Variants in PALLD observed in about 807,000 individuals in gnomAD.
PALLD encodes palladin.
PALLD carries 61 observed loss-of-function variants against 123.5 expected under a neutral mutation model. The observed-to-expected ratio is 0.49, with a 90% CI of 0.40 to 0.61. The LOEUF is 0.61. Ranked by LOEUF, PALLD falls within the 20% of genes least tolerant of loss-of-function variation. The pLI is 0.00. For synonymous variants in PALLD, 465 were observed against 496.4 expected, an observed-to-expected ratio of 0.94 and a Z score of 0.84; for missense variants, 1,273 against 1,377.0, an observed-to-expected ratio of 0.92 and a Z score of 1.20.
intron 10 of PALLD, among the ~76,000 whole-genome samples, chr4:168,795,624 G>C (rs1198023200): frequency 1.3e-5 from 2 of 152,076 alleles, no homozygotes; most frequent in Non-Finnish European, 2.9e-5. Context: ...AATGAATATA[G>C]AATGTTCTAT....
chr4:168,854,375 C>A (rs910763134), intron 10 of PALLD, among the ~76,000 whole-genome samples: 1 of 152,200 alleles, frequency 6.6e-6, no homozygotes, highest in Non-Finnish European at 1.5e-5. Context: ...AATTCTAGCT[C>A]TTGCATAAAT....
rs866008940 is a variant in PALLD at position 168,688,249 on chromosome 4, G to A, written c.1336-2354G>A. ...GCATGATGATGACAGTGAATGGCAGGTGGGCTGGCTTTCATAGTCCAAGGG... is the reference window on the plus strand; with the variant it reads ...GCATGATGATGACAGTGAATGGCAGATGGGCTGGCTTTCATAGTCCAAGGG... On this transcript the variant is annotated intron_variant, in intron 6 of 21. Transcript: ENST00000505667. 3.9e-5 allele frequency among the ~76,000 whole-genome samples: 6 copies of A among 152,316 alleles called. 1 individual carries two copies. In the South Asian group the frequency reaches 1.2e-3, roughly 32 times the overall value.
chr4:168,575,754 C>G (rs572574484), intron 2 of PALLD, among the ~76,000 whole-genome samples: 1 of 152,252 alleles, frequency 6.6e-6, no homozygotes, highest in Admixed American at 6.5e-5. Flanking sequence ...TTTAGTACAT[C>G]TGAGCTGGGG....
chr4:168,685,617 C>A, intron 6 of PALLD, 58 bp downstream of exon 6: 2 of 1,110,702 alleles, frequency 1.8e-6, no homozygotes, highest in Non-Finnish European at 2.8e-6. Context: ...ATTTCATTTA[C>A]ATGTGGCTTC....
chr4:168,687,250 C>T (rs934472426), intron 6 of PALLD, among the ~76,000 whole-genome samples: 5 of 152,128 alleles, frequency 3.3e-5, no homozygotes, highest in African/African-American at 7.2e-5. Flanking sequence ...TCCAGTTGGG[C>T]ACAGGCAACA....
Position 168,670,727 on chromosome 4 carries a change from G to A in PALLD, c.1087+2359G>A, listed in dbSNP as rs113782003. On this transcript the variant is annotated intron_variant, in intron 3 of 21. Transcript: ENST00000505667. ...CGCAGTCTGGCCTGGGCGACAGAGC[G>A]AGACTCCGTCTCAAAAAAACAAAAA... is the stretch of plus-strand genomic sequence containing the variant. Among the ~76,000 whole-genome samples, 172 of 127,882 alleles carry A rather than the reference G, an allele frequency of 1.3e-3. 2 individuals are homozygous for A. Among genetic ancestry groups the A allele is most frequent in the Non-Finnish European group, 2.3e-3 (144 of 63,878 alleles). The allele number at this position is 127,882 out of a possible 152,430, so 83.9% of individuals were successfully genotyped here.
At chr4:168,890,009 T>TA (rs1239727151) in intron 10 of PALLD, among the ~76,000 whole-genome samples, 2 of 152,224 alleles carry the variant, frequency 1.3e-5, no homozygotes, top group Non-Finnish European at 2.9e-5. Context: ...GCTTTGTTGA[T>TA]ATGGGTAGCG....
At chr4:168,822,895 G>A (rs867329718) in intron 10 of PALLD, among the ~76,000 whole-genome samples, 2 of 152,152 alleles carry the variant, frequency 1.3e-5, no homozygotes, top group African/African-American at 4.8e-5. Flanking sequence ...ATGGTAAATA[G>A]AGAATAGGTG....
chr4:168,810,832 AAAAAG>A (rs1561549675), intron 10 of PALLD, among the ~76,000 whole-genome samples: 2 of 151,008 alleles, frequency 1.3e-5, no homozygotes, highest in Admixed American at 6.6e-5. Flanking sequence ...AAAAAGAAAA[AAAAAG>A]AAGAAGAAGA....
intron 10 of PALLD, among the ~76,000 whole-genome samples, chr4:168,827,595 A>G (rs1358312665): frequency 1.3e-5 from 2 of 152,256 alleles, no homozygotes; most frequent in African/African-American, 4.8e-5. Flanking sequence ...GGTAAAATCT[A>G]TAATTAATCT....
intron 2 of PALLD, among the ~76,000 whole-genome samples, chr4:168,539,301 G>A (rs146169209): frequency 9.9e-5 from 15 of 152,132 alleles, no homozygotes; most frequent in South Asian, 2.1e-4. Context: ...TAAAAATTAC[G>A]AGTCCTGCCC....
intron 10 of PALLD, chr4:168,712,317 A>G (rs1328723573): frequency 6.9e-6 from 2 of 291,322 alleles, no homozygotes; most frequent in East Asian, 6.2e-5. Context: ...AATATTAAGT[A>G]TCAGTAAGAA....
intron 10 of PALLD, among the ~76,000 whole-genome samples, chr4:168,748,987 G>A (rs1419272990): frequency 6.6e-6 from 1 of 152,154 alleles, no homozygotes; most frequent in Non-Finnish European, 1.5e-5. Flanking sequence ...TTAGATATAT[G>A]TCCCTGCCAA....
Position 168,711,923 on chromosome 4 carries a change from T to C in PALLD, c.1964T>C (p.Leu655Pro). The change falls in exon 10 of 22, where the codon CTA becomes CCA. Residue 655 changes from leucine to proline, a missense_variant and splice_region_variant. By Grantham distance (98) the Leu-to-Pro change is moderately conservative. Coordinates refer to ENST00000505667, the MANE Select transcript of PALLD (RefSeq NM_001166108.2). ...EPPPLLAKPK[L>P]GFPKKASRTA... ...CCACCTCTGCTTGCCAAACCAAAAC[T>C]GTGAGTATTTCTGCATGGTTTTATA... The C allele has an allele frequency of 6.2e-7, 1 of 1,607,586 alleles. No individual in the cohort carries two copies. Among genetic ancestry groups the C allele is most frequent in the Non-Finnish European group, 8.5e-7 (1 of 1,174,116 alleles).
intron 10 of PALLD, among the ~76,000 whole-genome samples, chr4:168,822,478 C>T (rs1416805835): frequency 6.6e-6 from 1 of 152,060 alleles, no homozygotes; most frequent in African/African-American, 2.4e-5. Context: ...GGGAAGTGTC[C>T]GGAGCTGAAT....
chr4:168,505,583 T>C (rs1034252837), intron 1 of PALLD, among the ~76,000 whole-genome samples: 14 of 152,236 alleles, frequency 9.2e-5, no homozygotes, highest in African/African-American at 3.4e-4. Flanking sequence ...AATGGTAAGA[T>C]GGTAAAGTGC....
intron 10 of PALLD, among the ~76,000 whole-genome samples, chr4:168,741,873 C>A (rs534091814): frequency 6.6e-6 from 1 of 152,064 alleles, no homozygotes; most frequent in Non-Finnish European, 1.5e-5. Context: ...GGTGGGAGAG[C>A]GAAGGAACCA....
chr4:168,703,834 G>C lies in PALLD; in HGVS notation c.1502-5194G>C, dbSNP rs1230043816. Reference sequence around the variant, plus strand: ...GCCCTTTGTCAGATGAGTAGGTTGCGAACATTTTCTCCCATTCTGTAGGTT... The same window carrying C: ...GCCCTTTGTCAGATGAGTAGGTTGCCAACATTTTCTCCCATTCTGTAGGTT... On this transcript the variant is annotated intron_variant, in intron 8 of 21. Transcript: ENST00000505667. 5.5e-5 allele frequency among the ~76,000 whole-genome samples: 8 copies of C among 144,630 alleles called. 1 individual carries two copies. The highest frequency in any genetic ancestry group is 3.0e-5 in the Non-Finnish European group (2 of 66,896). 94.9% of individuals were successfully genotyped at this position (144,630 alleles called of 152,430 possible).
At chr4:168,822,424 G>C (rs1252839521) in intron 10 of PALLD, among the ~76,000 whole-genome samples, 1 of 152,204 alleles carries the variant, frequency 6.6e-6, no homozygotes, top group Non-Finnish European at 1.5e-5. Flanking sequence ...TCAATGGGAA[G>C]CTCTGGGAGA....
Sources: allele counts gnomAD v4.1 joint callset (sites outside exome capture counted in the v4.1 genomes callset), GRCh38; gene constraint gnomAD v4.1.1; transcripts MANE v1.5; gene names NCBI Gene and HGNC (gene_info 2026-07-23, HGNC 2026-07-21).